Variants in SLC4A4 observed in about 807,000 individuals in gnomAD.
SLC4A4 encodes the protein electrogenic sodium bicarbonate cotransporter 1.
SLC4A4 carries 27 observed loss-of-function variants against 111.5 expected under a neutral mutation model. The observed-to-expected ratio is 0.24, with a 90% CI of 0.18 to 0.33. The LOEUF (loss-of-function observed/expected upper bound fraction) is 0.33, where lower values mean the gene tolerates loss of function less well. SLC4A4 is among the 10% of genes least tolerant of loss of function. The pLI is 1.00. For synonymous variants in SLC4A4, 443 were observed against 463.4 expected (o/e 0.96, Z 0.57); for missense variants, 909 against 1,315.5 (o/e 0.69, Z 4.78).
chr4:71,127,597 T>C (rs1743593196), intron 2 of SLC4A4, among the ~76,000 whole-genome samples: 1 of 152,194 alleles, frequency 6.6e-6, no homozygotes, highest in Non-Finnish European at 1.5e-5. Flanking sequence ...TCATTAAAAA[T>C]ATTTATTTTT....
In SLC4A4 at chr4:71,319,766, C is replaced by T. The variant is rs16846265; in HGVS notation, c.254-19604C>T. Among the ~76,000 whole-genome samples the T allele has an allele frequency of 5.3e-3, 799 of 152,074 alleles. 8 individuals are homozygous for T. Among genetic ancestry groups the T allele is most frequent in the African/African-American group, 0.016 (678 of 41,518 alleles). On this transcript the variant is annotated intron_variant, in intron 3 of 25. Coordinates refer to ENST00000264485, the MANE Select transcript of SLC4A4 (RefSeq NM_001098484.3). The stretch of plus-strand genomic sequence containing the variant: ...ATGTACCTTTAGTATTCTCTTCACT[C>T]TTCCTGTTGTTATTATATGTCAAAA...
rs921201377 is a variant in SLC4A4, at chr4:71,489,172, C to T, written c.1974+2154C>T. Among the ~76,000 whole-genome samples the T allele has an allele frequency of 3.3e-5, 5 of 151,494 alleles. No homozygotes were observed. In the South Asian group the frequency reaches 1.0e-3, roughly 31 times the overall value. ...CACTTTATGAGTTATTAGATGTTAC[C>T]CCTATTTTATAGATGAAACAGAGAC... On this transcript the variant is annotated intron_variant, in intron 15 of 25. Coordinates refer to ENST00000264485, the MANE Select transcript of SLC4A4 (RefSeq NM_001098484.3).
chr4:71,439,916 C>T (rs548512307), intron 7 of SLC4A4, among the ~76,000 whole-genome samples: 2 of 151,868 alleles, frequency 1.3e-5, no homozygotes, highest in African/African-American at 4.8e-5. Context: ...ACCTATGCAA[C>T]TTCTTTGCCT....
chr4:71,076,500 C>T (rs1741833119), intron 1 of SLC4A4, among the ~76,000 whole-genome samples: 1 of 151,728 alleles, frequency 6.6e-6, no homozygotes, highest in South Asian at 2.1e-4. Flanking sequence ...TCATTGCACT[C>T]CAGCCTGGAC....
In SLC4A4 at chr4:71,278,847, A is replaced by G. The variant is rs77941141; in HGVS notation, c.253+23448A>G. On this transcript the variant is annotated intron_variant, in intron 3 of 25. Transcript: ENST00000264485. ...TGCTGTTGAGTTGTATGAGTTCCTAATATGTTTTGGACATTAATCCCTTAT... is the reference window on the plus strand; with the variant it reads ...TGCTGTTGAGTTGTATGAGTTCCTAGTATGTTTTGGACATTAATCCCTTAT... Among the ~76,000 whole-genome samples the G allele has an allele frequency of 3.9e-5, 6 of 152,226 alleles. No individual in the cohort carries two copies. In the East Asian group the frequency reaches 1.2e-3, roughly 29 times the overall value.
intron 7 of SLC4A4, among the ~76,000 whole-genome samples, chr4:71,425,136 G>C (rs1232498727): frequency 6.6e-6 from 1 of 152,090 alleles, no homozygotes; most frequent in African/African-American, 2.4e-5. Flanking sequence ...GTGTGTTTAA[G>C]ATGGTATTTG....
intron 2 of SLC4A4, among the ~76,000 whole-genome samples, chr4:71,132,896 G>T (rs965212988): frequency 6.6e-6 from 1 of 152,214 alleles, no homozygotes; most frequent in Non-Finnish European, 1.5e-5. Flanking sequence ...GTTGGGCACT[G>T]CATAGGCCAG....
chr4:71,232,428 T>G (rs911085267), intron 1 of SLC4A4, among the ~76,000 whole-genome samples: 4 of 152,190 alleles, frequency 2.6e-5, no homozygotes, highest in African/African-American at 9.7e-5. Context: ...TTTTTTCTTT[T>G]AGAGATGAGA....
intron 7 of SLC4A4, among the ~76,000 whole-genome samples, chr4:71,408,670 T>C (rs1721091939): frequency 6.6e-6 from 1 of 152,220 alleles, no homozygotes; most frequent in Non-Finnish European, 1.5e-5. Flanking sequence ...AATTTCTCTT[T>C]TTCTCTCTAC....
At chr4:71,305,005 A>G (rs960715611) in intron 3 of SLC4A4, among the ~76,000 whole-genome samples, 1 of 152,262 alleles carries the variant, frequency 6.6e-6, no homozygotes, top group African/African-American at 2.4e-5. Context: ...GTTACTGGGC[A>G]GAATCTTATT....
rs577681243 is a variant in SLC4A4 at position 71,547,847 on chromosome 4, G to A, written c.2694+127G>A. On this transcript the variant is annotated intron_variant, in intron 20 of 25. Coordinates refer to ENST00000264485, the MANE Select transcript of SLC4A4 (RefSeq NM_001098484.3). Reference sequence around the variant, plus strand: ...CAGTTCTGTAACACACTGAAGCAGGGGTCAAGTAGAAAGAGAGCTTTAAAT... The same window carrying A: ...CAGTTCTGTAACACACTGAAGCAGGAGTCAAGTAGAAAGAGAGCTTTAAAT... The A allele has an allele frequency of 2.4e-4, 195 of 818,020 alleles. 1 individual carries two copies. Among genetic ancestry groups the A allele is most frequent in the South Asian group, 2.0e-3 (146 of 72,898 alleles). 50.7% of individuals were successfully genotyped at this position (818,020 alleles called of 1,614,324 possible). A position where few individuals can be genotyped will look rare whatever the true frequency, so the allele number is the denominator to read the frequency against.
At chr4:71,499,565 CG>C (rs1322124133) in intron 16 of SLC4A4, among the ~76,000 whole-genome samples, 1 of 152,038 alleles carries the variant, frequency 6.6e-6, no homozygotes, top group Non-Finnish European at 1.5e-5. Flanking sequence ...ATACTTTGTA[CG>C]CTTTGACCAA....
intron 1 of SLC4A4, among the ~76,000 whole-genome samples, chr4:71,231,303 T>TG (rs965382304): frequency 1.3e-5 from 2 of 152,246 alleles, no homozygotes; most frequent in African/African-American, 4.8e-5. Flanking sequence ...GCATGGGCTC[T>TG]GGGGGTGGGA....
intron 2 of SLC4A4, among the ~76,000 whole-genome samples, chr4:71,179,298 A>T (rs983159209): frequency 6.6e-6 from 1 of 152,198 alleles, no homozygotes; most frequent in African/African-American, 2.4e-5. Context: ...CTGGCACAAG[A>T]CACGGATGCC....
intron 3 of SLC4A4, among the ~76,000 whole-genome samples, chr4:71,297,509 A>AACACACACACACACACAC (rs61184918): frequency 6.1e-5 from 8 of 132,056 alleles, no homozygotes; most frequent in African/African-American, 2.3e-4. Flanking sequence ...CACACAGACA[A>AACACACACACACACACAC]ACACACACAC....
chr4:71,156,396 T>C (rs1744464948), intron 2 of SLC4A4, among the ~76,000 whole-genome samples: 1 of 152,180 alleles, frequency 6.6e-6, no homozygotes, highest in Non-Finnish European at 1.5e-5. Flanking sequence ...GGTACACATG[T>C]CATGCTTTTG....
chr4:71,462,277 G>A (rs1387102787), intron 12 of SLC4A4, among the ~76,000 whole-genome samples: 3 of 152,124 alleles, frequency 2.0e-5, no homozygotes, highest in Non-Finnish European at 4.4e-5. Context: ...CAGAAGAGAA[G>A]TAGGATTTAG....
intron 1 of SLC4A4, among the ~76,000 whole-genome samples, chr4:71,085,284 C>A (rs986896194): frequency 7.2e-5 from 11 of 151,916 alleles, no homozygotes; most frequent in African/African-American, 2.7e-4. Context: ...TGTTTGAGTT[C>A]ATTGTAGATT....
At chr4:71,567,674 T>C (rs1292524968) in intron 25 of SLC4A4, 114 bp from the exon 26 acceptor site, 5 of 548,396 alleles carry the variant, frequency 9.1e-6, no homozygotes, top group African/African-American at 4.0e-5. Flanking sequence ...AGAATATAAA[T>C]ATTAAAAGAG....
Sources: allele counts gnomAD v4.1 joint callset (sites outside exome capture counted in the v4.1 genomes callset), GRCh38; gene constraint gnomAD v4.1.1; transcripts MANE v1.5; gene names NCBI Gene and HGNC (gene_info 2026-07-23, HGNC 2026-07-21).